The following EHMT1 variants were observed in gnomAD, a reference collection of about 807,000 sequenced individuals.
EHMT1 encodes histone-lysine N-methyltransferase EHMT1.
A neutral mutation model predicts 147.2 loss-of-function variants in EHMT1; 15 were observed. The observed-to-expected ratio is 0.10, with a 90% confidence interval of 0.07 to 0.16. EHMT1 has a LOEUF of 0.16. Ranked by LOEUF, EHMT1 falls within the 10% of genes least tolerant of loss-of-function variation. The probability of loss-of-function intolerance (pLI) is 1.00; values close to 1 mark genes in which losing one functional copy is unlikely to be tolerated. For missense variants in EHMT1, 1,587 were observed against 1,772.4 expected, an observed-to-expected ratio of 0.90 and a Z score of 1.88; for synonymous variants, 795 against 709.6, an observed-to-expected ratio of 1.12 and a Z score of -1.91.
At chr9:137,646,388 T>G (rs1844884522) in intron 1 of EHMT1, 1 of 985,564 alleles carries the variant, frequency 1.0e-6, no homozygotes, top group African/African-American at 1.7e-5. Flanking sequence ...AAGAATCCTG[T>G]GACCACGGGG....
At chr9:137,631,275 C>G (rs1219761164) in intron 1 of EHMT1, among the ~76,000 whole-genome samples, 1 of 151,958 alleles carries the variant, frequency 6.6e-6, no homozygotes, top group Non-Finnish European at 1.5e-5. Context: ...GCCTGTAATC[C>G]CAGCTACTCG....
At chr9:137,680,803 G>A (rs1423896776) in intron 1 of EHMT1, 1 of 152,366 alleles carries the variant, frequency 6.6e-6, no homozygotes, top group East Asian at 1.9e-4. Context: ...TGGGGCCGCT[G>A]CGTGAGACTG....
At chr9:137,816,860 G>GGGCAGACGCGA (rs1954958614) in intron 23 of EHMT1, 1 of 183,536 alleles carries the variant, frequency 5.4e-6, no homozygotes, top group Non-Finnish European at 1.2e-5. Flanking sequence ...CATGCCAGAT[G>GGGCAGACGCGA]GGCAGACGCG....
intron 18 of EHMT1, among the ~76,000 whole-genome samples, chr9:137,807,887 C>A (rs34390775): frequency 6.6e-6 from 1 of 152,170 alleles, no homozygotes; most frequent in African/African-American, 2.4e-5. Flanking sequence ...GGGTTTTTCT[C>A]CCCATTGTGG....
At chr9:137,635,625 C>T (rs951238938) in intron 1 of EHMT1, among the ~76,000 whole-genome samples, 1 of 151,342 alleles carries the variant, frequency 6.6e-6, no homozygotes, top group African/African-American at 2.4e-5. Flanking sequence ...TCGAGACCAT[C>T]CTGGCTAACA....
rs1317120710 is a variant in EHMT1 at position 137,775,819 on chromosome 9, G to GC, written c.1791+573dup. Among the ~76,000 whole-genome samples the GC allele has an allele frequency of 1.3e-5, 2 of 151,786 alleles. No homozygotes were observed. The highest frequency in any genetic ancestry group is 2.9e-5 in the Non-Finnish European group (2 of 67,946). ...ACATCTGTGCTCAGCCGTGCCCAGG[G>GC]CCCCCCGAGAATGGGCTGCTTCCCT... On this transcript the variant is annotated intron_variant, in intron 11 of 26. Coordinates refer to ENST00000460843, the MANE Select transcript of EHMT1 (RefSeq NM_024757.5). This position sits in a 1 kb window ranked among gnomAD's most constrained non-coding sequence, Gnocchi z 6.1.
rs867311907 is a variant in EHMT1 at position 137,716,867 on chromosome 9, C to G, written c.327C>G (p.Val109=). 2 of 1,613,312 alleles carry G rather than the reference C, an allele frequency of 1.2e-6. No individual in the cohort carries two copies. Among genetic ancestry groups the G allele is most frequent in the South Asian group, 1.1e-5 (1 of 91,090 alleles). Residue 109 remains valine, a synonymous_variant, in exon 3 of 27, where the codon GTC becomes GTG. Transcript: ENST00000460843. ...RDSEAAKQNH[V]TADDFVQTSV... ...CAGAAGCGGCGAAGCAAAACCACGT[C>G]ACTGCCGACGACTTTGTGCAGACTT...
chr9:137,715,387 G>A (rs918670326), intron 2 of EHMT1, among the ~76,000 whole-genome samples: 5 of 152,204 alleles, frequency 3.3e-5, no homozygotes, highest in Non-Finnish European at 5.9e-5. Flanking sequence ...GCCAGGCCTC[G>A]TTCATGTGCT....
chr9:137,834,257 G>A, intron 25 of EHMT1, 92 bp from the exon 26 acceptor site: 1 of 1,539,822 alleles, frequency 6.5e-7, no homozygotes, highest in Non-Finnish European at 8.8e-7. Flanking sequence ...CCCAACTGCA[G>A]GCTCCGGGAC....
intron 25 of EHMT1, among the ~76,000 whole-genome samples, chr9:137,830,430 T>C (rs1956112460): frequency 6.6e-6 from 1 of 152,350 alleles, no homozygotes; most frequent in Middle Eastern, 3.4e-3. Context: ...ATGAAGTAAA[T>C]AGATTTTTAA....
Position 137,834,885 on chromosome 9 carries a change from G to A in EHMT1, c.3829G>A (p.Ala1277Thr), listed in dbSNP as rs760874199. The A allele has an allele frequency of 6.2e-7, 1 of 1,608,084 alleles. No individual in the cohort carries two copies. The highest frequency in any genetic ancestry group is 8.5e-7 in the Non-Finnish European group (1 of 1,177,912). ...GGCCCTGGCCCAGCGTCAGGCCAGC[G>A]CGGCCCAGGAGGCCCAGGAGGACGG... ...SAALAQRQAS[A>T]AQEAQEDGLP... Residue 1277 changes from alanine (A) to threonine (T), a missense_variant, in exon 27 of 27, where the codon GCG becomes ACG. Around this residue, in one of 7 missense-constraint regions of EHMT1, gnomAD observed 141 missense variants for 150.8 expected, o/e 0.94. Transcript: ENST00000460843.
In EHMT1 at chr9:137,778,298, T is replaced by C. The variant is rs74772676; in HGVS notation, c.2192+243T>C. Reference sequence around the variant, plus strand: ...GTGAGGAGGCAGGTCTTGGTGAGCTTTGACAAACATTTCCTGGTTGCTGTT... The same window carrying C: ...GTGAGGAGGCAGGTCTTGGTGAGCTCTGACAAACATTTCCTGGTTGCTGTT... On this transcript the variant is annotated intron_variant, in intron 13 of 26. Coordinates refer to ENST00000460843, the MANE Select transcript of EHMT1 (RefSeq NM_024757.5). Among the ~76,000 whole-genome samples the C allele has an allele frequency of 0.029, 4,399 of 152,344 alleles. 81 individuals carry two copies. Among genetic ancestry groups the C allele is most frequent in the Middle Eastern group, 0.061 (18 of 294 alleles).
At chr9:137,646,633 G>A (rs1844909673) in intron 1 of EHMT1, among the ~76,000 whole-genome samples, 1 of 152,198 alleles carries the variant, frequency 6.6e-6, no homozygotes, top group African/African-American at 2.4e-5. Flanking sequence ...TGGGGGAGGT[G>A]TGGCGCAGTT....
chr9:137,740,976 A>AT (rs1167049276), intron 4 of EHMT1, among the ~76,000 whole-genome samples: 20,865 of 119,020 alleles, frequency 0.18, 4,797 homozygotes, highest in African/African-American at 0.55. Context: ...CCCCGACATG[A>AT]TTTTTTTTTT....
intron 17 of EHMT1, among the ~76,000 whole-genome samples, chr9:137,799,179 C>T (rs931873961): frequency 4.0e-5 from 6 of 148,952 alleles, no homozygotes; most frequent in African/African-American, 1.5e-4. Flanking sequence ...GCATCGCCTT[C>T]CACACACAGG....
chr9:137,815,101 G>T (rs1954816129), intron 22 of EHMT1, among the ~76,000 whole-genome samples: 1 of 152,146 alleles, frequency 6.6e-6, no homozygotes, highest in African/African-American at 2.4e-5. Context: ...AGGTCACGGT[G>T]GGGGCGGAAG....
chr9:137,738,216 A>G (rs537161160), intron 4 of EHMT1, among the ~76,000 whole-genome samples: 2 of 150,846 alleles, frequency 1.3e-5, no homozygotes, highest in East Asian at 3.9e-4. Context: ...AACAAAAAAA[A>G]AACAACAAAA....
intron 3 of EHMT1, 89 bp from the exon 4 acceptor site, chr9:137,728,260 C>T (rs1167968435): frequency 8.4e-6 from 13 of 1,549,846 alleles, no homozygotes; most frequent in South Asian, 6.7e-5. Context: ...GGGGAATTAT[C>T]GGGGAGAAGA....
intron 14 of EHMT1, 109 bp downstream of exon 14, chr9:137,779,826 CT>C (rs1319413976): frequency 1.1e-5 from 14 of 1,255,896 alleles, no homozygotes; most frequent in African/African-American, 1.5e-5. Context: ...TTTTGGTTTT[CT>C]GTTTCTGTGT....
Sources: gnomAD v4.1 joint callset for allele counts (sites outside exome capture counted in the v4.1 genomes callset) on GRCh38, gnomAD v4.1.1 for gene constraint, gnomAD v4.1.1 regional missense constraint, Gnocchi (gnomAD v3.1) non-coding constraint, MANE v1.5 for transcripts, NCBI Gene and HGNC (gene_info 2026-07-23, HGNC 2026-07-21) for gene names.